Variants in TRHDE observed in about 807,000 individuals in gnomAD.
The protein encoded by TRHDE is thyrotropin-releasing hormone-degrading ectoenzyme.
In TRHDE, 72 loss-of-function variants were observed where a neutral mutation model predicts 125.7. The ratio of observed to expected loss-of-function variants is 0.57; its 90% CI spans 0.47 to 0.70. TRHDE has a LOEUF of 0.70. Among genes scored for constraint, TRHDE ranks in the 30% least tolerant of loss-of-function variants. The pLI is 0.00. For synonymous variants in TRHDE, 509 were observed against 509.1 expected, an observed-to-expected ratio of 1.00 and a Z score of 0.00; for missense variants, 1,110 against 1,327.1, an observed-to-expected ratio of 0.84 and a Z score of 2.54.
intron 2 of TRHDE, among the ~76,000 whole-genome samples, chr12:72,188,710 AT>A (rs762194085): frequency 6.6e-6 from 1 of 152,258 alleles, no homozygotes; most frequent in South Asian, 2.1e-4. Flanking sequence ...AAGAAATCTG[AT>A]TTTTTTTGTA....
chr12:72,176,989 A>G (rs1383875592), intron 2 of TRHDE, among the ~76,000 whole-genome samples: 2 of 152,198 alleles, frequency 1.3e-5, no homozygotes, highest in Non-Finnish European at 2.9e-5. Context: ...AAGCTAGGGC[A>G]GCCCAATAGA....
intron 2 of TRHDE, among the ~76,000 whole-genome samples, chr12:72,212,702 A>G (rs535514296): frequency 6.6e-6 from 1 of 152,258 alleles, no homozygotes; most frequent in East Asian, 1.9e-4. Context: ...TGGCAAAAGT[A>G]TGGAAAAATT....
At position 72,393,094 on chromosome 12, in the gene TRHDE, T is replaced by C. The variant is rs74539800; in HGVS notation, c.1315+14973T>C. On this transcript the variant is annotated intron_variant, in intron 3 of 18. Transcript: ENST00000261180. ...TATATTTATATTCAATATGACATAT[T>C]TACGCAAAGACTCATGTTGCTTCAT... Among the ~76,000 whole-genome samples the C allele has an allele frequency of 7.9e-5, 12 of 152,296 alleles. No individual in the cohort carries two copies. In the East Asian group the frequency reaches 2.1e-3, roughly 27 times the overall value.
chr12:72,425,929 T>C (rs943705552), intron 3 of TRHDE, among the ~76,000 whole-genome samples: 3 of 151,694 alleles, frequency 2.0e-5, no homozygotes, highest in African/African-American at 7.3e-5. Context: ...CCAAAACTCA[T>C]ATATATATAT....
At chr12:72,305,281 A>G (rs191393251) in intron 2 of TRHDE, among the ~76,000 whole-genome samples, 1 of 152,334 alleles carries the variant, frequency 6.6e-6, no homozygotes, top group Admixed American at 6.5e-5. Context: ...GTTATTCCAT[A>G]AATTAGGTTA....
intron 2 of TRHDE, among the ~76,000 whole-genome samples, chr12:72,216,106 T>C (rs533607181): frequency 6.6e-6 from 1 of 152,272 alleles, no homozygotes; most frequent in Non-Finnish European, 1.5e-5. Context: ...GTCATAGTGA[T>C]TAAATTAGAC....
At chr12:72,251,480 T>A (rs899559024) in intron 2 of TRHDE, among the ~76,000 whole-genome samples, 3 of 150,808 alleles carry the variant, frequency 2.0e-5, no homozygotes, top group Non-Finnish European at 4.4e-5. Context: ...AGTTATAAGG[T>A]GTATGAATAG....
At chr12:72,134,751 T>C (rs1254657440) in intron 2 of TRHDE, among the ~76,000 whole-genome samples, 3 of 152,074 alleles carry the variant, frequency 2.0e-5, no homozygotes, top group Admixed American at 6.6e-5. Context: ...CAATTCTAAA[T>C]GCAGCTATTT....
At chr12:72,359,760 G>C (rs1870984152) in intron 2 of TRHDE, among the ~76,000 whole-genome samples, 1 of 151,598 alleles carries the variant, frequency 6.6e-6, no homozygotes, top group South Asian at 2.1e-4. Flanking sequence ...TTTACAATAA[G>C]ACTTTGTGTA....
At chr12:72,449,012 G>A (rs998445217) in intron 3 of TRHDE, among the ~76,000 whole-genome samples, 2 of 151,788 alleles carry the variant, frequency 1.3e-5, no homozygotes, top group Non-Finnish European at 2.9e-5. Flanking sequence ...TGTAGCAGTC[G>A]GTACTGTGCC....
At chr12:72,536,923 C>G (rs1279085180) in intron 6 of TRHDE, among the ~76,000 whole-genome samples, 1 of 152,042 alleles carries the variant, frequency 6.6e-6, no homozygotes, top group African/African-American at 2.4e-5. Flanking sequence ...CTCAGTAACT[C>G]TAAGAATTTC....
At chr12:72,298,562 G>A (rs755519907) in intron 2 of TRHDE, among the ~76,000 whole-genome samples, 6 of 152,080 alleles carry the variant, frequency 3.9e-5, no homozygotes, top group Non-Finnish European at 7.4e-5. Context: ...TATAATCCAA[G>A]AGAGGTAGAA....
chr12:72,502,673 G>T (rs1878206217), intron 6 of TRHDE, among the ~76,000 whole-genome samples: 1 of 152,086 alleles, frequency 6.6e-6, no homozygotes, highest in South Asian at 2.1e-4. Context: ...AAGTGAGGTT[G>T]GTTGATAGAG....
chr12:72,161,277 A>G (rs1876630260), intron 2 of TRHDE, among the ~76,000 whole-genome samples: 1 of 152,128 alleles, frequency 6.6e-6, no homozygotes, highest in African/African-American at 2.4e-5. Context: ...TACTAAAAAT[A>G]TAAAAGTTAG....
intron 2 of TRHDE, among the ~76,000 whole-genome samples, chr12:72,139,340 A>G (rs1231142363): frequency 6.6e-6 from 1 of 152,148 alleles, no homozygotes; most frequent in Non-Finnish European, 1.5e-5. Flanking sequence ...GTAAGTTTTG[A>G]CAAATTTTAT....
intron 2 of TRHDE, among the ~76,000 whole-genome samples, chr12:72,161,910 A>G (rs1876646122): frequency 6.6e-6 from 1 of 152,252 alleles, no homozygotes; most frequent in African/African-American, 2.4e-5. Flanking sequence ...AAATATAGAT[A>G]GTATATTGCA....
At chr12:72,205,060 G>A (rs1877636322) in intron 2 of TRHDE, among the ~76,000 whole-genome samples, 3 of 152,204 alleles carry the variant, frequency 2.0e-5, no homozygotes. Context: ...TGGAAAAGAT[G>A]TTATTGTCCT....
Position 72,159,913 on chromosome 12 carries a change from T to C in TRHDE, n.279+54161T>C, listed in dbSNP as rs372006441. On this transcript the variant is annotated intron_variant and non_coding_transcript_variant, in intron 2 of 4. Transcript: ENST00000548156. ...CTTTTCATCTCATTTTGTTGTCATA[T>C]TGTCTCATCTTACATCTCTCATTTT... Among the ~76,000 whole-genome samples, 66 of 152,292 alleles carry C rather than the reference T, an allele frequency of 4.3e-4. No homozygotes were observed. The East Asian group carries it at 6.7e-3, about 16-fold the overall frequency.
At chr12:72,310,296 G>A (rs1868483168) in intron 2 of TRHDE, among the ~76,000 whole-genome samples, 1 of 152,228 alleles carries the variant, frequency 6.6e-6, no homozygotes, top group South Asian at 2.1e-4. Flanking sequence ...AGTCTAGCTT[G>A]TATTATTATA....
Sources: gnomAD v4.1 joint callset for allele counts (sites outside exome capture counted in the v4.1 genomes callset) on GRCh38, gnomAD v4.1.1 for gene constraint, MANE v1.5 for transcripts, NCBI Gene and HGNC (gene_info 2026-07-23, HGNC 2026-07-21) for gene names.